The following CFAP47 variants were observed in gnomAD, a reference collection of about 807,000 sequenced individuals.
The protein encoded by CFAP47 is cilia and flagella associated protein 47.
A neutral mutation model predicts 148.1 loss-of-function variants in CFAP47; 29 were observed. The observed-to-expected ratio is 0.20, with a 90% CI of 0.15 to 0.27. CFAP47 has a LOEUF of 0.27. CFAP47 is among the 10% of genes least tolerant of loss of function. The pLI is 1.00. For synonymous variants in CFAP47, 664 were observed against 577.3 expected (o/e 1.15, Z -2.15); for missense variants, 1,872 against 1,697.5 (o/e 1.10, Z -1.81).
chrX:36,156,122 T>C (rs997592329), intron 37 of CFAP47, among the ~76,000 whole-genome samples: 1 of 111,098 alleles, frequency 9.0e-6, no homozygotes, highest in South Asian at 3.7e-4. Context: ...TTATTTTAGG[T>C]AGCTGTTATT....
rs1451899167 is a variant in CFAP47, at chrX:36,310,914, G to C, written c.8269G>C (p.Gly2757Arg). ...CACGGAAAGAATAACCACACGCATTGGTCTTCAGTCAACTATTGTTATACC... is the reference window on the plus strand; with the variant it reads ...CACGGAAAGAATAACCACACGCATTCGTCTTCAGTCAACTATTGTTATACC... ...LDTERITTRI[G>R]LQSTIVIPFK... is the part of the protein sequence containing the mutation. The change falls in exon 56 of 64, where the codon GGT becomes CGT. Residue 2757 changes from glycine (G) to arginine (R), a missense_variant. Coordinates refer to ENST00000378653, the MANE Select transcript of CFAP47 (RefSeq NM_001304548.2). 22 of 1,140,398 alleles carry C rather than the reference G, an allele frequency of 1.9e-5. No homozygotes were observed. Among genetic ancestry groups the C allele is most frequent in the Non-Finnish European group, 2.5e-5 (21 of 850,741 alleles). 94.0% of individuals were successfully genotyped at this position (1,140,398 alleles called of 1,213,427 possible).
chrX:35,992,582 A>G (rs938598094), intron 17 of CFAP47, among the ~76,000 whole-genome samples: 3 of 111,483 alleles, frequency 2.7e-5, no homozygotes, highest in Non-Finnish European at 3.8e-5. Context: ...TCTTACCTAC[A>G]TAGTCTATTT....
chrX:36,239,974 A>AG, intron 48 of CFAP47, among the ~76,000 whole-genome samples: 1 of 111,832 alleles, frequency 8.9e-6, no homozygotes, highest in East Asian at 2.8e-4. Flanking sequence ...GTTTATAGAA[A>AG]CCTGTGGCAA....
At chrX:36,283,867 G>C (rs1941105173) in intron 50 of CFAP47, among the ~76,000 whole-genome samples, 1 of 111,660 alleles carries the variant, frequency 9.0e-6, no homozygotes, top group South Asian at 3.7e-4. Context: ...ATTGGGATTT[G>C]AACCCTGGCC....
intron 33 of CFAP47, among the ~76,000 whole-genome samples, chrX:36,126,150 C>G (rs963134398): frequency 9.2e-6 from 1 of 108,614 alleles, no homozygotes; most frequent in African/African-American, 3.4e-5. Flanking sequence ...AGTTTTGTTA[C>G]ATAGGTATAC....
Position 35,951,378 on chromosome X carries a change from A to G in CFAP47, c.885+19A>G, listed in dbSNP as rs1380749757. 3.1e-6 allele frequency: 3 copies of G among 982,021 alleles called. No individual in the cohort carries two copies. Among genetic ancestry groups the G allele is most frequent in the African/African-American group, 3.8e-5 (2 of 52,701 alleles). The allele number at this position is 982,021 out of a possible 1,213,427, so 80.9% of individuals were successfully genotyped here. A position where few individuals can be genotyped will look rare whatever the true frequency, so the allele number is the denominator to read the frequency against. The stretch of plus-strand genomic sequence containing the variant: ...AGAATTGGTAAGTAAGTGGTGCGAC[A>G]GGGATATCAGATATTATGACTTAAA... On this transcript the variant is annotated intron_variant, in intron 5 of 63. Transcript: ENST00000378653.
intron 3 of CFAP47, 73 bp downstream of exon 3, chrX:35,941,471 A>G: frequency 1.9e-6 from 1 of 527,565 alleles, no homozygotes; most frequent in Non-Finnish European, 3.0e-6. Flanking sequence ...ACCTTGTGTA[A>G]TAGATTACCT....
At chrX:36,315,567 A>G (rs1941426961) in intron 56 of CFAP47, among the ~76,000 whole-genome samples, 1 of 112,267 alleles carries the variant, frequency 8.9e-6, no homozygotes, top group African/African-American at 3.2e-5. Context: ...GTGATTTTTT[A>G]AGTTATCTCA....
At position 35,993,211 on chromosome X, in the gene CFAP47, C is replaced by G. The variant is rs971812516; in HGVS notation, c.2989C>G (p.Pro997Ala). 3 of 293,652 alleles carry G rather than the reference C, an allele frequency of 1.0e-5. No homozygotes were observed. Among genetic ancestry groups the G allele is most frequent in the African/African-American group, 8.3e-5 (3 of 36,293 alleles). 24.2% of individuals were successfully genotyped at this position (293,652 alleles called of 1,213,427 possible). The change falls in exon 18 of 64, where the codon CCT (proline) becomes GCT (alanine). Residue 997 changes from proline (P) to alanine (A), a missense_variant. Pro to Ala is a conservative substitution (Grantham distance 27). Coordinates refer to ENST00000378653, the MANE Select transcript of CFAP47 (RefSeq NM_001304548.2). ...YFKVCSQSLL[P>A]IINIIPSQGI... ...ACAGGTTTGTAGTCAGAGTCTTTTGCCTATCATTAATATTATTCCATCGCA... is the reference window on the plus strand; with the variant it reads ...ACAGGTTTGTAGTCAGAGTCTTTTGGCTATCATTAATATTATTCCATCGCA...
Position 36,273,172 on chromosome X carries a change from C to T in CFAP47, c.7445-7315C>T, listed in dbSNP as rs1556002141. On this transcript the variant is annotated intron_variant, in intron 49 of 63. Transcript: ENST00000378653. Reference sequence around the variant, plus strand: ...TAAAAATTATTTTCAAAGGAAAACCCATTAATATAAAATTATGTTTTTCAG... The same window carrying T: ...TAAAAATTATTTTCAAAGGAAAACCTATTAATATAAAATTATGTTTTTCAG... 3.6e-5 allele frequency among the ~76,000 whole-genome samples: 4 copies of T among 111,302 alleles called. No homozygotes were observed. The Admixed American group carries it at 3.8e-4, about 11-fold the overall frequency.
intron 33 of CFAP47, among the ~76,000 whole-genome samples, chrX:36,109,693 C>T (rs1938523134): frequency 9.0e-6 from 1 of 111,136 alleles, no homozygotes. Context: ...CCAGGATGGT[C>T]TCCATCTCCT....
At chrX:36,306,935 A>C in intron 55 of CFAP47, 59 bp downstream of exon 55, 1 of 485,559 alleles carries the variant, frequency 2.1e-6, no homozygotes, top group Middle Eastern at 4.2e-4. Context: ...CAATATATAA[A>C]TAAATATAAT....
chrX:36,203,344 T>C, intron 44 of CFAP47, among the ~76,000 whole-genome samples: 1 of 111,844 alleles, frequency 8.9e-6, no homozygotes. Context: ...CCTCCCATTT[T>C]CTTTTTCAAT....
chrX:36,044,436 T>C (rs1192135259), intron 25 of CFAP47, among the ~76,000 whole-genome samples: 2 of 112,900 alleles, frequency 1.8e-5, no homozygotes, highest in Non-Finnish European at 3.7e-5. Context: ...TGCATACAAC[T>C]GAATGCTTTC....
At chrX:35,943,642 G>A (rs1374569879) in intron 3 of CFAP47, among the ~76,000 whole-genome samples, 1 of 111,241 alleles carries the variant, frequency 9.0e-6, no homozygotes, top group Admixed American at 9.6e-5. Context: ...TCTAATGTTA[G>A]TACTTTGTAG....
At chrX:36,144,232 A>G (rs761791220) in intron 35 of CFAP47, among the ~76,000 whole-genome samples, 5 of 111,434 alleles carry the variant, frequency 4.5e-5, no homozygotes, top group African/African-American at 1.3e-4. Context: ...CACATTAGTC[A>G]TAATTTCTAG....
intron 57 of CFAP47, among the ~76,000 whole-genome samples, chrX:36,320,756 TC>T (rs1335433807): frequency 8.9e-6 from 1 of 112,373 alleles, no homozygotes; most frequent in Non-Finnish European, 1.9e-5. Flanking sequence ...TTTGTTTTTG[TC>T]TTTTAATGGA....
chrX:35,932,360 A>G (rs1469300351), intron 2 of CFAP47, among the ~76,000 whole-genome samples: 1 of 105,754 alleles, frequency 9.5e-6, no homozygotes, highest in Non-Finnish European at 1.9e-5. Context: ...CCCAGGTTCA[A>G]GTGATTCTCC....
chrX:36,170,117 C>A (rs766300275), intron 39 of CFAP47, among the ~76,000 whole-genome samples: 33 of 111,446 alleles, frequency 3.0e-4, no homozygotes, highest in African/African-American at 1.0e-3. Flanking sequence ...TCCAATGCAA[C>A]AAACTCCACT....
Sources: gnomAD v4.1 joint callset for allele counts (sites outside exome capture counted in the v4.1 genomes callset) on GRCh38, gnomAD v4.1.1 for gene constraint, MANE v1.5 for transcripts, NCBI Gene and HGNC (gene_info 2026-07-23, HGNC 2026-07-21) for gene names.